Variants in CASP10 observed in about 807,000 individuals in gnomAD.
CASP10 encodes caspase 10, also known as caspase-10.
In CASP10, 41 loss-of-function variants were observed where a neutral mutation model predicts 48.5. That is an observed-to-expected ratio of 0.85 (90% CI 0.66 to 1.10). CASP10 has a LOEUF of 1.10. Ranked by LOEUF, CASP10 falls within the 50% of genes least tolerant of loss-of-function variation. The pLI is 0.00. For missense variants in CASP10, 614 were observed against 614.5 expected, an observed-to-expected ratio of 1.00 and a Z score of 0.01; for synonymous variants, 232 against 238.4, an observed-to-expected ratio of 0.97 and a Z score of 0.25.
chr2:201,202,434 T>C (rs1293296678), intron 5 of CASP10, among the ~76,000 whole-genome samples: 1 of 152,212 alleles, frequency 6.6e-6, no homozygotes. Flanking sequence ...TAGTCCCTGT[T>C]CTGGCTGACT....
chr2:201,183,868 AT>A (rs1944316976), intron 1 of CASP10, among the ~76,000 whole-genome samples: 1 of 138,312 alleles, frequency 7.2e-6, no homozygotes, highest in African/African-American at 2.8e-5. Flanking sequence ...TTATTTATTT[AT>A]TTATTTATTT....
intron 5 of CASP10, among the ~76,000 whole-genome samples, chr2:201,199,799 T>C (rs1455076416): frequency 6.6e-6 from 1 of 152,108 alleles, no homozygotes; most frequent in Non-Finnish European, 1.5e-5. Context: ...GGTCTCGTAC[T>C]CCTGACCTAA....
intron 5 of CASP10, chr2:201,200,620 C>T (rs940593541): frequency 4.1e-6 from 6 of 1,468,468 alleles, no homozygotes; most frequent in Non-Finnish European, 5.4e-6. Flanking sequence ...CCTCATTCGG[C>T]AGGTGGAGGT....
Position 201,186,075 on chromosome 2 carries a change from G to A in CASP10, c.298G>A (p.Glu100Lys). The stretch of plus-strand genomic sequence containing the variant: ...GCTGCAGCACCTCAACTGTACCAAA[G>A]AGGAAGTGGAGCGACTGCTGCCCAC... ...KLLQHLNCTKEEVERLLPTRQ... is the reference protein window; with the variant it reads ...KLLQHLNCTKKEVERLLPTRQ... Residue 100 changes from glutamate to lysine, a missense_variant, in exon 2 of 10, where the codon GAG (glutamate) becomes AAG (lysine). Glu to Lys is a moderately conservative substitution (Grantham distance 56). Transcript: ENST00000286186. 6.2e-7 allele frequency: 1 copy of A among 1,612,514 alleles called. No individual in the cohort carries two copies.
Position 201,193,020 on chromosome 2 carries a change from G to A in CASP10, c.478G>A (p.Gly160Ser), listed in dbSNP as rs781000749. 3 of 1,613,490 alleles carry A rather than the reference G, an allele frequency of 1.9e-6. No individual in the cohort carries two copies. Among genetic ancestry groups the A allele is most frequent in the Admixed American group, 3.3e-5 (2 of 59,984 alleles). Reference sequence around the variant, plus strand: ...TTTCCTGGCATTTCTAGAGAAACAAGGTAAAATAGATGAAGATAATCTGAC... The same window carrying A: ...TTTCCTGGCATTTCTAGAGAAACAAAGTAAAATAGATGAAGATAATCTGAC... ...LSFLAFLEKQ[G>S]KIDEDNLTCL... The change falls in exon 4 of 10, where the codon GGT becomes AGT. Residue 160 changes from glycine to serine, a missense_variant. Gly to Ser is a moderately conservative substitution (Grantham distance 56). Coordinates refer to ENST00000286186, the MANE Select transcript of CASP10 (RefSeq NM_032977.4).
chr2:201,219,822 C>T lies in CASP10; in HGVS notation c.*2081C>T, dbSNP rs1334099540. Reference sequence around the variant, plus strand: ...GGGAGATCCAAAGTCCTGTGGTTAACGCCTTCATTTATAGATGAGGCAGCT... The same window carrying T: ...GGGAGATCCAAAGTCCTGTGGTTAATGCCTTCATTTATAGATGAGGCAGCT... On this transcript the variant is annotated 3_prime_UTR_variant, in exon 10 of 10. Coordinates refer to ENST00000286186, the MANE Select transcript of CASP10 (RefSeq NM_032977.4). 8.1e-6 allele frequency: 8 copies of T among 982,482 alleles called. No homozygotes were observed. Among genetic ancestry groups the T allele is most frequent in the South Asian group, 9.5e-5 (2 of 21,114 alleles). The allele number at this position is 982,482 out of a possible 1,614,324, so 60.9% of individuals were successfully genotyped here. A position where few individuals can be genotyped will look rare whatever the true frequency, so the allele number is the denominator to read the frequency against.
intron 5 of CASP10, 82 bp downstream of exon 5, chr2:201,196,030 A>G: frequency 1.1e-6 from 1 of 912,130 alleles, no homozygotes; most frequent in East Asian, 2.4e-5. Flanking sequence ...CAAAAAAGAA[A>G]AAGAGAGAGA....
In CASP10 at chr2:201,217,999, G is replaced by A. The variant is rs570116133; in HGVS notation, c.*258G>A. ...GGCAATCACGGCTCACTGTAGTCTC[G>A]ACCTCCCAGGCTCAAGCTGTCCTCC... On this transcript the variant is annotated 3_prime_UTR_variant, in exon 10 of 10. Transcript: ENST00000286186. 19 of 975,394 alleles carry A rather than the reference G, an allele frequency of 1.9e-5. No homozygotes were observed. The highest frequency in any genetic ancestry group is 1.9e-4 in the African/African-American group (11 of 59,390). The allele number at this position is 975,394 out of a possible 1,614,324, so 60.4% of individuals were successfully genotyped here.
intron 3 of CASP10, among the ~76,000 whole-genome samples, chr2:201,190,685 G>A (rs1944578165): frequency 6.6e-6 from 1 of 152,120 alleles, no homozygotes; most frequent in Non-Finnish European, 1.5e-5. Flanking sequence ...TGAACAATAT[G>A]AGGTGGCGGG....
chr2:201,199,940 G>A (rs967524150), intron 5 of CASP10, among the ~76,000 whole-genome samples: 1 of 152,012 alleles, frequency 6.6e-6, no homozygotes, highest in African/African-American at 2.4e-5. Context: ...TTATGCCATT[G>A]AGACTTTTGA....
chr2:201,209,158 G>GAAGCAGAAGTGCAATCCAGCCC lies in CASP10; in HGVS notation c.1013_1034dup (p.His345GlnfsTer32). ...AAGTGGAAATGGAGATGGTCCTGCA[G>GAAGCAGAAGTGCAATCCAGCCC]AAGCAGAAGTGCAATCCAGCCCATG... is the stretch of plus-strand genomic sequence containing the variant. On this transcript the variant is annotated frameshift_variant, in exon 9 of 10. Coordinates refer to ENST00000286186, the MANE Select transcript of CASP10 (RefSeq NM_032977.4). LOFTEE classifies it high-confidence loss of function. 9 of 1,612,190 alleles carry GAAGCAGAAGTGCAATCCAGCCC rather than the reference G, an allele frequency of 5.6e-6. No homozygotes were observed. The highest frequency in any genetic ancestry group is 7.6e-6 in the Non-Finnish European group (9 of 1,179,204).
chr2:201,188,924 G>A (rs1464829538), intron 3 of CASP10, among the ~76,000 whole-genome samples: 1 of 150,582 alleles, frequency 6.6e-6, no homozygotes, highest in Non-Finnish European at 1.5e-5. Flanking sequence ...AGGCTGAAGT[G>A]CAATGGCACA....
chr2:201,205,151 C>G (rs1444630917), intron 6 of CASP10, among the ~76,000 whole-genome samples: 1 of 152,092 alleles, frequency 6.6e-6, no homozygotes, highest in Non-Finnish European at 1.5e-5. Context: ...GGCAGGAACA[C>G]TTCAAAGCAG....
Position 201,209,517 on chromosome 2 carries a change from G to GT in CASP10, c.1370_1371insT (p.Trp457CysfsTer8). On this transcript the variant is annotated frameshift_variant, in exon 9 of 10. Transcript: ENST00000286186. LOFTEE classifies it low-confidence loss of function (END_TRUNC). ...TTTCGGCATGTGGAGGAAGGCAGCT[G>GT]GTATATTCAGTCTCTGTGTAATCAT... 6.2e-7 allele frequency: 1 copy of GT among 1,613,256 alleles called. No individual in the cohort carries two copies. Among genetic ancestry groups the GT allele is most frequent in the South Asian group, 1.1e-5 (1 of 90,938 alleles).
Position 201,203,765 on chromosome 2 carries a change from T to A in CASP10, c.720T>A (p.Asn240Lys). 6.2e-7 allele frequency: 1 copy of A among 1,612,782 alleles called. No homozygotes were observed. Among genetic ancestry groups the A allele is most frequent in the Non-Finnish European group, 8.5e-7 (1 of 1,178,776 alleles). ...GGCAAAATAAGCATGCAGGTAGTAA[T>A]GGTAGGTATTTCTAATGTACTTTTT... is the stretch of plus-strand genomic sequence containing the variant. ...ESWQNKHAGS[N>K]GNRATNGAPS... Residue 240 changes from asparagine (N) to lysine (K), a missense_variant and splice_region_variant, in exon 6 of 10, where the codon AAT (asparagine) becomes AAA (lysine). By Grantham distance (94) the Asn-to-Lys change is moderately conservative. Coordinates refer to ENST00000286186, the MANE Select transcript of CASP10 (RefSeq NM_032977.4).
chr2:201,192,609 G>A (rs1374763127), intron 3 of CASP10, among the ~76,000 whole-genome samples: 2 of 152,056 alleles, frequency 1.3e-5, no homozygotes, highest in African/African-American at 4.8e-5. Context: ...GCATCAGATT[G>A]TACCAGCTCT....
intron 4 of CASP10, 30 bp downstream of exon 4, chr2:201,193,149 C>G (rs779426881): frequency 6.2e-7 from 1 of 1,608,578 alleles, no homozygotes; most frequent in Non-Finnish European, 8.5e-7. Context: ...TAACTTGGAC[C>G]AGACCATGGA....
At chr2:201,213,476 T>C (rs1182763487) in intron 9 of CASP10, 1 of 152,170 alleles carries the variant, frequency 6.6e-6, no homozygotes, top group Non-Finnish European at 1.5e-5. Flanking sequence ...TATTAAGTCC[T>C]ATAAGCATGA....
chr2:201,186,500 A>G (rs1185140184), intron 2 of CASP10: 1 of 257,152 alleles, frequency 3.9e-6, no homozygotes, highest in East Asian at 9.1e-5. Flanking sequence ...AGAAGAGAGT[A>G]ATGCATACTT....
Sources: allele counts gnomAD v4.1 joint callset (sites outside exome capture counted in the v4.1 genomes callset), GRCh38; gene constraint gnomAD v4.1.1; transcripts MANE v1.5; gene names NCBI Gene and HGNC (gene_info 2026-07-23, HGNC 2026-07-21).